Variants in VWA8 observed in about 807,000 individuals in gnomAD.
The protein encoded by VWA8 is von Willebrand factor A domain containing 8, also known as von Willebrand factor A domain-containing protein 8.
Under a neutral mutation model 241.5 loss-of-function variants are expected in VWA8, and 221 were observed. That is an observed-to-expected ratio of 0.91 (90% CI 0.82 to 1.02). VWA8 has a LOEUF of 1.02. Among genes scored for constraint, VWA8 ranks in the 50% least tolerant of loss-of-function variants. The pLI, the probability that VWA8 is intolerant of heterozygous loss-of-function variation, is 0.00. For missense variants in VWA8, 2,322 were observed against 2,328.7 expected, an observed-to-expected ratio of 1.00 and a Z score of 0.06; for synonymous variants, 852 against 827.1, an observed-to-expected ratio of 1.03 and a Z score of -0.52.
intron 21 of VWA8, among the ~76,000 whole-genome samples, chr13:41,752,226 C>T (rs2045661578): frequency 6.6e-6 from 1 of 152,160 alleles, no homozygotes; most frequent in Non-Finnish European, 1.5e-5. Context: ...AACCATAATG[C>T]TGCTTTCTCT....
intron 24 of VWA8, among the ~76,000 whole-genome samples, chr13:41,723,750 A>C (rs183109989): frequency 6.6e-6 from 1 of 151,580 alleles, no homozygotes; most frequent in East Asian, 1.9e-4. Context: ...TTCATCATGG[A>C]CATGTTAAAT....
At chr13:41,904,411 C>T (rs1382166791) in intron 4 of VWA8, among the ~76,000 whole-genome samples, 1 of 152,124 alleles carries the variant, frequency 6.6e-6, no homozygotes, top group Non-Finnish European at 1.5e-5. Flanking sequence ...TGACTCCTCA[C>T]CTCTACTTAG....
chr13:41,717,288 T>A (rs935391172), intron 26 of VWA8, among the ~76,000 whole-genome samples: 4 of 151,814 alleles, frequency 2.6e-5, no homozygotes, highest in South Asian at 2.1e-4. Context: ...TTAATATTTT[T>A]AAATATTTGA....
At chr13:41,648,778 G>A (rs1375542930) in intron 37 of VWA8, among the ~76,000 whole-genome samples, 1 of 152,214 alleles carries the variant, frequency 6.6e-6, no homozygotes, top group East Asian at 1.9e-4. Context: ...GGCAATTAAT[G>A]TCATAAATTA....
chr13:41,583,201 C>T (rs1480547159), intron 42 of VWA8, among the ~76,000 whole-genome samples: 1 of 152,140 alleles, frequency 6.6e-6, no homozygotes, highest in African/African-American at 2.4e-5. Context: ...CTTGTGGGTA[C>T]TTAAATCTCA....
intron 37 of VWA8, among the ~76,000 whole-genome samples, chr13:41,668,240 G>A (rs139011880): frequency 2.0e-4 from 31 of 152,234 alleles, no homozygotes; most frequent in Non-Finnish European, 4.0e-4. Flanking sequence ...ACCTAAAGGC[G>A]CCTATCTTGC....
At chr13:41,575,919 G>T in intron 42 of VWA8, 81 bp from the exon 43 acceptor site, 1 of 1,046,820 alleles carries the variant, frequency 9.6e-7, no homozygotes, top group Non-Finnish European at 1.4e-6. Context: ...CAACTCTTTG[G>T]ACCATTATTG....
chr13:41,789,115 C>T (rs896972919), intron 17 of VWA8, among the ~76,000 whole-genome samples: 12 of 152,130 alleles, frequency 7.9e-5, no homozygotes, highest in Admixed American at 5.9e-4. Flanking sequence ...AATATATTTA[C>T]ATCTAGAACA....
At chr13:41,642,264 C>G (rs1176730037) in intron 37 of VWA8, among the ~76,000 whole-genome samples, 2 of 152,132 alleles carry the variant, frequency 1.3e-5, no homozygotes, top group African/African-American at 4.8e-5. Context: ...GGTAACAGCA[C>G]TTTTGAAAAT....
intron 21 of VWA8, among the ~76,000 whole-genome samples, chr13:41,741,301 T>C (rs1196988336): frequency 6.6e-6 from 1 of 152,222 alleles, no homozygotes; most frequent in Non-Finnish European, 1.5e-5. Context: ...GATGAGGCCA[T>C]ACTGAGCTAT....
intron 26 of VWA8, among the ~76,000 whole-genome samples, chr13:41,712,837 AAAC>A (rs890066313): frequency 3.1e-4 from 47 of 152,314 alleles, no homozygotes; most frequent in Non-Finnish European, 5.7e-4. Context: ...TTAATAGAAA[AAAC>A]AATATTGTAA....
At chr13:41,569,618 C>T (rs1035316727) in intron 44 of VWA8, among the ~76,000 whole-genome samples, 1 of 149,332 alleles carries the variant, frequency 6.7e-6, no homozygotes, top group African/African-American at 2.5e-5. Flanking sequence ...ATAACAAAAA[C>T]GTAGGCCCTT....
In VWA8 at chr13:41,960,929, C is replaced by A; in HGVS notation, c.87G>T (p.Val29=). The A allele has an allele frequency of 6.7e-7, 1 of 1,493,144 alleles. No homozygotes were observed. Among genetic ancestry groups the A allele is most frequent in the South Asian group, 1.3e-5 (1 of 79,976 alleles). The allele number at this position is 1,493,144 out of a possible 1,614,324, so 92.5% of individuals were successfully genotyped here. A position where few individuals can be genotyped will look rare whatever the true frequency, so the allele number is the denominator to read the frequency against. ...SRRMRLLLRQ[V]VQRRPGGDRQ... The stretch of plus-strand genomic sequence containing the variant: ...TGTCGCCACCCGGCCTGCGCTGCAC[C>A]ACCTGCCGCAGGAGCAGCCGCATGC... Residue 29 remains valine, a synonymous_variant, in exon 1 of 45, where the codon GTG becomes GTT. Transcript: ENST00000379310.
chr13:41,849,707 T>C (rs1031429532), intron 12 of VWA8, among the ~76,000 whole-genome samples: 1 of 152,128 alleles, frequency 6.6e-6, no homozygotes, highest in Non-Finnish European at 1.5e-5. Context: ...ACCGATATGG[T>C]GAAACCCTGT....
intron 2 of VWA8, among the ~76,000 whole-genome samples, chr13:41,917,080 A>C (rs1413396373): frequency 6.6e-6 from 1 of 152,214 alleles, no homozygotes; most frequent in Non-Finnish European, 1.5e-5. Context: ...TGTTTTCAAA[A>C]AATATGTACT....
At chr13:41,594,384 C>G (rs1172393215) in intron 40 of VWA8, among the ~76,000 whole-genome samples, 2 of 152,066 alleles carry the variant, frequency 1.3e-5, no homozygotes, top group African/African-American at 4.8e-5. Flanking sequence ...CCCACCTCAG[C>G]CTCCCAAAGT....
chr13:41,599,712 G>A (rs1216294792), intron 40 of VWA8, among the ~76,000 whole-genome samples: 1 of 152,156 alleles, frequency 6.6e-6, no homozygotes, highest in Non-Finnish European at 1.5e-5. Flanking sequence ...ACTGCGGACA[G>A]TCCCAGCATG....
At chr13:41,728,460 T>C (rs577262537) in intron 23 of VWA8, among the ~76,000 whole-genome samples, 73 of 152,168 alleles carry the variant, frequency 4.8e-4, no homozygotes, top group Non-Finnish European at 7.4e-4. Flanking sequence ...AAAATTATAA[T>C]GACTATTCCT....
At chr13:41,797,826 T>A (rs754366486) in intron 17 of VWA8, among the ~76,000 whole-genome samples, 4 of 152,218 alleles carry the variant, frequency 2.6e-5, no homozygotes, top group African/African-American at 7.2e-5. Context: ...TAGCAACATA[T>A]AATTGGTTTT....
Sources: gnomAD v4.1 joint callset for allele counts (sites outside exome capture counted in the v4.1 genomes callset) on GRCh38, gnomAD v4.1.1 for gene constraint, MANE v1.5 for transcripts, NCBI Gene and HGNC (gene_info 2026-07-23, HGNC 2026-07-21) for gene names.